The following NTRK3 variants were observed in gnomAD, a reference collection of about 807,000 sequenced individuals.
NTRK3 encodes the protein neurotrophic receptor tyrosine kinase 3.
Under a neutral mutation model 91.7 loss-of-function variants are expected in NTRK3, and 24 were observed. That is an observed-to-expected ratio of 0.26 (90% confidence interval 0.19 to 0.37). The LOEUF is 0.37. Ranked by LOEUF, NTRK3 falls within the 10% of genes least tolerant of loss-of-function variation. NTRK3 has a pLI of 1.00. For synonymous variants in NTRK3, 483 were observed against 404.0 expected (o/e 1.20, Z -2.34); for missense variants, 880 against 1,068.9 (o/e 0.82, Z 2.46).
At chr15:88,245,893 T>G (rs2052772727) in intron 3 of NTRK3, among the ~76,000 whole-genome samples, 2 of 152,216 alleles carry the variant, frequency 1.3e-5, no homozygotes, top group South Asian at 4.1e-4. Flanking sequence ...ATGTAAATGA[T>G]CTCTGGCCCA....
At chr15:88,156,259 G>A (rs1018739950) in intron 5 of NTRK3, among the ~76,000 whole-genome samples, 5 of 152,176 alleles carry the variant, frequency 3.3e-5, no homozygotes, top group African/African-American at 1.2e-4. Flanking sequence ...AAGGAAAAGA[G>A]AGGTGAGCAC....
At chr15:88,094,493 A>G (rs1478038397) in intron 13 of NTRK3, among the ~76,000 whole-genome samples, 5 of 151,118 alleles carry the variant, frequency 3.3e-5, no homozygotes, top group South Asian at 4.2e-4. Flanking sequence ...AAAAAAAAAA[A>G]AAAAAAAAAG....
rs553941736 is a variant in NTRK3 at position 88,158,533 on chromosome 15, G to A, written c.396-11130C>T. On this transcript the variant is annotated intron_variant, in intron 5 of 18. Transcript: ENST00000394480. ...ATTGGCCACCTGCATCTGGGTCTCC[G>A]CTGCAGCACAAGGCCACCAAAGGCC... Among the ~76,000 whole-genome samples the A allele has an allele frequency of 1.0e-3, 155 of 152,324 alleles. 1 individual carries two copies. The highest frequency in any genetic ancestry group is 3.1e-3 in the South Asian group (15 of 4,826).
exon 19 of NTRK3, chr15:87,874,644 C>G (rs1249794994): frequency 4.3e-6 from 1 of 232,612 alleles, no homozygotes; most frequent in East Asian, 6.0e-5. Context: ...AGGGAAGCAA[C>G]AGGAGCATTG....
intron 14 of NTRK3, among the ~76,000 whole-genome samples, chr15:88,026,153 C>G (rs1478785781): frequency 1.3e-5 from 2 of 151,950 alleles, no homozygotes; most frequent in African/African-American, 4.8e-5. Flanking sequence ...TGCCTGTAGT[C>G]CCAGCTACTC....
intron 14 of NTRK3, among the ~76,000 whole-genome samples, chr15:88,013,667 T>G (rs1416907230): frequency 6.6e-6 from 1 of 152,196 alleles, no homozygotes; most frequent in Admixed American, 6.5e-5. Context: ...ATCCTTCAAG[T>G]GCAGACAACA....
At chr15:87,987,330 T>TG (rs2074899039) in intron 14 of NTRK3, among the ~76,000 whole-genome samples, 1 of 152,192 alleles carries the variant, frequency 6.6e-6, no homozygotes, top group African/African-American at 2.4e-5. Context: ...AACAAACTGA[T>TG]GGGTGGAAGA....
chr15:88,085,322 T>C (rs899626709), intron 13 of NTRK3, among the ~76,000 whole-genome samples: 1 of 152,220 alleles, frequency 6.6e-6, no homozygotes, highest in Non-Finnish European at 1.5e-5. Context: ...CCACTGACTC[T>C]GGGCTTGGCC....
intron 13 of NTRK3, among the ~76,000 whole-genome samples, chr15:88,076,015 G>T (rs1362640647): frequency 6.6e-5 from 10 of 152,236 alleles, no homozygotes; most frequent in Admixed American, 6.5e-4. Context: ...TGGTGCTATT[G>T]TTGTAGATTT....
intron 7 of NTRK3, 44 bp downstream of exon 7, chr15:88,137,360 G>A (rs751495905): frequency 6.2e-7 from 1 of 1,608,408 alleles, no homozygotes; most frequent in South Asian, 1.1e-5. Flanking sequence ...GTGTCTGAGG[G>A]ATGCCTCCCT....
chr15:87,923,254 C>T (rs985739700), intron 17 of NTRK3, among the ~76,000 whole-genome samples: 1 of 152,170 alleles, frequency 6.6e-6, no homozygotes, highest in African/African-American at 2.4e-5. Context: ...TTCCATTTCT[C>T]AGCCACCTTT....
In NTRK3 at chr15:88,006,867, C is replaced by T. The variant is rs549263035; in HGVS notation, c.1585+25990G>A. 5.6e-4 allele frequency among the ~76,000 whole-genome samples: 85 copies of T among 152,226 alleles called. 1 individual carries two copies. The South Asian group carries it at 6.9e-3, about 12-fold the overall frequency. ...AAACTGTGGATTTCAGAACACAGCA[C>T]CATCAGAGAGCCACTAAGATAACCC... is the stretch of plus-strand genomic sequence containing the variant. On this transcript the variant is annotated intron_variant, in intron 14 of 18. Coordinates refer to ENST00000394480, the Ensembl canonical transcript of NTRK3.
At chr15:87,875,151 C>T (rs1056803087) in exon 19 of NTRK3, 29 of 231,496 alleles carry the variant, frequency 1.3e-4, no homozygotes, top group Middle Eastern at 1.3e-3. Context: ...TCCAGGCTGC[C>T]GGCAGTCTCT....
intron 6 of NTRK3, among the ~76,000 whole-genome samples, chr15:88,142,339 T>C (rs780027269): frequency 1.2e-4 from 19 of 152,238 alleles, no homozygotes; most frequent in Non-Finnish European, 2.8e-4. Context: ...AGGCAAAGCT[T>C]ACCAACACCC....
intron 14 of NTRK3, among the ~76,000 whole-genome samples, chr15:88,016,531 C>A (rs2077243942): frequency 6.6e-6 from 1 of 152,226 alleles, no homozygotes; most frequent in Non-Finnish European, 1.5e-5. Flanking sequence ...CAGAACTAAG[C>A]AGAATGCTAT....
chr15:88,185,666 C>T (rs1567607305), intron 3 of NTRK3, among the ~76,000 whole-genome samples: 1 of 152,098 alleles, frequency 6.6e-6, no homozygotes, highest in Non-Finnish European at 1.5e-5. Flanking sequence ...GAGGTGACAG[C>T]TCATCCTGGG....
intron 3 of NTRK3, among the ~76,000 whole-genome samples, chr15:88,184,913 C>T (rs1451597287): frequency 6.6e-6 from 1 of 152,136 alleles, no homozygotes; most frequent in East Asian, 1.9e-4. Flanking sequence ...AGAGTGGGGG[C>T]CACCTAAGGA....
chr15:88,112,434 G>T (rs2150985573), intron 13 of NTRK3, among the ~76,000 whole-genome samples: 1 of 152,296 alleles, frequency 6.6e-6, no homozygotes, highest in South Asian at 2.1e-4. Context: ...TCAGCCCAGA[G>T]GGTTTTTCTT....
intron 6 of NTRK3, among the ~76,000 whole-genome samples, chr15:88,137,953 A>G (rs2042031466): frequency 6.6e-6 from 1 of 152,126 alleles, no homozygotes; most frequent in Non-Finnish European, 1.5e-5. Context: ...CGGGAGGCTG[A>G]GGCAGGAGAA....
Sources: gnomAD v4.1 joint callset for allele counts (sites outside exome capture counted in the v4.1 genomes callset) on GRCh38, gnomAD v4.1.1 for gene constraint, MANE v1.5 for transcripts, NCBI Gene and HGNC (gene_info 2026-07-23, HGNC 2026-07-21) for gene names.